IPO7: variants seen among roughly 807,000 people sequenced by gnomAD.
IPO7 encodes importin-7.
In IPO7, 13 loss-of-function variants were observed where a neutral mutation model predicts 136.4. That is an observed-to-expected ratio of 0.10 (90% CI 0.06 to 0.15). IPO7 has a LOEUF of 0.15. IPO7 is among the 10% of genes least tolerant of loss of function. The probability of loss-of-function intolerance (pLI) is 1.00; values close to 1 mark genes in which losing one functional copy is unlikely to be tolerated. For synonymous variants in IPO7, 403 were observed against 404.4 expected, an observed-to-expected ratio of 1.00 and a Z score of 0.04; for missense variants, 857 against 1,240.6, an observed-to-expected ratio of 0.69 and a Z score of 4.65.
rs370985395 is a variant in IPO7, at chr11:9,420,477, T to C, written c.793T>C (p.Leu265=). ...ATGGTGGAAATGCAAGAAGTGGGCC[T>C]TACATATTTTAGCAAGACTTTTTGA... ...LPWWKCKKWA[L]HILARLFERY... The change falls in exon 7 of 25, where the codon TTA becomes CTA. Residue 265 remains leucine, a synonymous_variant. Coordinates refer to ENST00000379719, the MANE Select transcript of IPO7 (RefSeq NM_006391.3). 9 of 1,611,734 alleles carry C rather than the reference T, an allele frequency of 5.6e-6. No homozygotes were observed. The highest frequency in any genetic ancestry group is 3.3e-5 in the Admixed American group (2 of 59,982).
At chr11:9,419,470 C>T (rs983263113) in intron 6 of IPO7, among the ~76,000 whole-genome samples, 1 of 149,332 alleles carries the variant, frequency 6.7e-6, no homozygotes, top group Admixed American at 6.7e-5. Context: ...ATCACTTGAA[C>T]CAGGGAGGCA....
chr11:9,392,385 A>G (rs1282130404), intron 1 of IPO7: 1 of 243,312 alleles, frequency 4.1e-6, no homozygotes, highest in African/African-American at 2.4e-5. Flanking sequence ...CCATGTTGGT[A>G]GGCTGGTCTC....
chr11:9,397,332 TTA>T lies in IPO7; in HGVS notation c.85-5957_85-5956del, dbSNP rs1491379445. Among the ~76,000 whole-genome samples, 21 of 12,132 alleles carry T rather than the reference TTA, an allele frequency of 1.7e-3. 1 individual carries two copies. The highest frequency in any genetic ancestry group is 3.6e-3 in the African/African-American group (14 of 3,882). The allele number at this position is 12,132 out of a possible 152,430, so 8.0% of individuals were successfully genotyped here. On this transcript the variant is annotated intron_variant, in intron 1 of 24. Coordinates refer to ENST00000379719, the MANE Select transcript of IPO7 (RefSeq NM_006391.3). ...AAACCCCGTCTTTACTAAAAATAAT[TTA>T]AAAAAAAATATATATATATATATAT...
At chr11:9,440,016 G>A (rs1348907756) in intron 22 of IPO7, among the ~76,000 whole-genome samples, 1 of 152,156 alleles carries the variant, frequency 6.6e-6, no homozygotes, top group African/African-American at 2.4e-5. Flanking sequence ...TTAATTAAAT[G>A]TTGATAAATA....
chr11:9,399,949 C>T (rs910065280), intron 1 of IPO7, among the ~76,000 whole-genome samples: 1 of 152,088 alleles, frequency 6.6e-6, no homozygotes, highest in Admixed American at 6.6e-5. Context: ...TCTTCCATTA[C>T]ACACTTTTCC....
At chr11:9,413,230 C>T (rs1230840920) in intron 4 of IPO7, among the ~76,000 whole-genome samples, 1 of 152,106 alleles carries the variant, frequency 6.6e-6, no homozygotes, top group Non-Finnish European at 1.5e-5. Context: ...TTGAGTCTCT[C>T]TGTCACCCAG....
intron 2 of IPO7, among the ~76,000 whole-genome samples, chr11:9,404,798 C>G (rs1241475501): frequency 6.6e-6 from 1 of 152,032 alleles, no homozygotes; most frequent in African/African-American, 2.4e-5. Flanking sequence ...GATTTGCTGA[C>G]CTCGTGATCT....
chr11:9,384,686 G>C lies in IPO7; in HGVS notation c.-78G>C. On this transcript the variant is annotated 5_prime_UTR_variant, in exon 1 of 25. Transcript: ENST00000379719. The stretch of plus-strand genomic sequence containing the variant: ...CCGGTTGCCGCTGCGGAGCGCGGCG[G>C]GTCCATGTGCGCAGTGAGTGGCGCT... 2.5e-6 allele frequency: 3 copies of C among 1,201,636 alleles called. No individual in the cohort carries two copies. The highest frequency in any genetic ancestry group is 2.3e-6 in the Non-Finnish European group (2 of 854,264). The allele number at this position is 1,201,636 out of a possible 1,614,324, so 74.4% of individuals were successfully genotyped here. A position where few individuals can be genotyped will look rare whatever the true frequency, so the allele number is the denominator to read the frequency against.
chr11:9,417,550 T>G (rs1855058193), intron 6 of IPO7, among the ~76,000 whole-genome samples: 1 of 152,128 alleles, frequency 6.6e-6, no homozygotes, highest in African/African-American at 2.4e-5. Context: ...TGTTATTTTT[T>G]CTTAATAACT....
At chr11:9,412,702 C>A (rs1448194631) in intron 4 of IPO7, among the ~76,000 whole-genome samples, 3 of 151,988 alleles carry the variant, frequency 2.0e-5, no homozygotes, top group African/African-American at 7.2e-5. Flanking sequence ...TGTGGTGGCA[C>A]ATGCCTGTAG....
chr11:9,386,912 A>G (rs548776842), intron 1 of IPO7, among the ~76,000 whole-genome samples: 16 of 152,334 alleles, frequency 1.1e-4, no homozygotes, highest in African/African-American at 3.8e-4. Context: ...TTTCAATTAT[A>G]ACACCTAGAT....
intron 14 of IPO7, 47 bp downstream of exon 14, chr11:9,429,243 G>A (rs376481223): frequency 2.8e-4 from 414 of 1,498,354 alleles, no homozygotes; most frequent in Non-Finnish European, 2.7e-4. Flanking sequence ...GGCCAGGTGC[G>A]GTAGGTCACA....
chr11:9,413,449 C>A (rs1854996716), intron 4 of IPO7, among the ~76,000 whole-genome samples: 1 of 152,046 alleles, frequency 6.6e-6, no homozygotes, highest in South Asian at 2.1e-4. Context: ...TTATCAGCTG[C>A]TACTGTTTAC....
intron 2 of IPO7, among the ~76,000 whole-genome samples, chr11:9,403,834 T>C (rs1180782861): frequency 1.3e-5 from 2 of 152,208 alleles, no homozygotes; most frequent in Non-Finnish European, 2.9e-5. Context: ...ATTATGTTAG[T>C]CTGTAAAAAA....
chr11:9,418,273 C>T, intron 6 of IPO7, among the ~76,000 whole-genome samples: 1 of 147,824 alleles, frequency 6.8e-6, no homozygotes, highest in African/African-American at 2.4e-5. Flanking sequence ...GTTTCACCAT[C>T]TTGGCCAGGG....
chr11:9,404,414 G>C (rs1024082906), intron 2 of IPO7, among the ~76,000 whole-genome samples: 1 of 151,700 alleles, frequency 6.6e-6, no homozygotes. Context: ...GCAGTGAGCC[G>C]AGTTGGCGTC....
intron 1 of IPO7, 76 bp downstream of exon 1, chr11:9,384,923 C>T: frequency 8.5e-7 from 1 of 1,177,150 alleles, no homozygotes. Flanking sequence ...CGGGGCCTGG[C>T]CGGAGGCGCG....
At chr11:9,412,404 A>G (rs564126345) in intron 4 of IPO7, among the ~76,000 whole-genome samples, 1 of 152,240 alleles carries the variant, frequency 6.6e-6, no homozygotes, top group Non-Finnish European at 1.5e-5. Flanking sequence ...TGGAAAACCA[A>G]TTTAAAGCTG....
chr11:9,438,339 G>T, intron 22 of IPO7, 54 bp downstream of exon 22: 6 of 1,157,644 alleles, frequency 5.2e-6, no homozygotes, highest in Non-Finnish European at 7.7e-6. Context: ...AAATATTACC[G>T]CACTGGGCCG....
Sources: gnomAD v4.1 joint callset for allele counts (sites outside exome capture counted in the v4.1 genomes callset) on GRCh38, gnomAD v4.1.1 for gene constraint, MANE v1.5 for transcripts, NCBI Gene and HGNC (gene_info 2026-07-23, HGNC 2026-07-21) for gene names.